Variants in RPL35 observed in about 807,000 individuals in gnomAD.
RPL35 encodes ribosomal protein L35.
RPL35 carries 2 observed loss-of-function variants against 15.6 expected under a neutral mutation model. The ratio of observed to expected loss-of-function variants is 0.13; its 90% CI spans 0.05 to 0.40. The LOEUF (loss-of-function observed/expected upper bound fraction) is 0.40, where lower values mean the gene tolerates loss of function less well. Among genes scored for constraint, RPL35 ranks in the 10% least tolerant of loss-of-function variants. The pLI is 0.99. For missense variants in RPL35, 111 were observed against 164.7 expected (o/e 0.67, Z 1.79); for synonymous variants, 93 against 67.9 (o/e 1.37, Z -1.82).
chr9:124,861,922 A>T lies in RPL35; in HGVS notation c.-10T>A, dbSNP rs1829205239. The T allele has an allele frequency of 6.2e-7, 1 of 1,600,502 alleles. No individual in the cohort carries two copies. The highest frequency in any genetic ancestry group is 2.3e-5 in the East Asian group (1 of 44,190). On this transcript the variant is annotated 5_prime_UTR_variant, in exon 1 of 4. It adds an upstream start codon to the 5' untranslated region. Transcript: ENST00000348462. ...CCGCAGCTCTCACCATTGCTGCACA[A>T]GCCGCCAACGCCGCCGCCCGCTCCG...
intron 3 of RPL35, among the ~76,000 whole-genome samples, chr9:124,859,807 C>A (rs925700843): frequency 4.6e-5 from 7 of 152,152 alleles, no homozygotes; most frequent in Admixed American, 4.6e-4. Flanking sequence ...TCAGGGCCCT[C>A]ATCTGAAAAA....
intron 2 of RPL35, 130 bp downstream of exon 2, chr9:124,861,289 A>G: frequency 7.5e-6 from 9 of 1,198,852 alleles, no homozygotes; most frequent in Non-Finnish European, 1.1e-5. Context: ...CGGGTCTCCC[A>G]TGCGCGCCAG....
chr9:124,857,946 G>T lies in RPL35; in HGVS notation c.344C>A (p.Pro115Gln), dbSNP rs200698441. The change falls in exon 4 of 4, where the codon CCG becomes CAG. Residue 115 changes from proline to glutamine, a missense_variant. Coordinates refer to ENST00000348462, the MANE Select transcript of RPL35 (RefSeq NM_007209.4). ...KKQQRKERLY[P>Q]LRKYAVKA Reference sequence around the variant, plus strand: ...GGCCTTGACCGCGTACTTCCGCAGCGGGTACAGCCGCTCCTTCCGCTGCTG... The same window carrying T: ...GGCCTTGACCGCGTACTTCCGCAGCTGGTACAGCCGCTCCTTCCGCTGCTG... The T allele has an allele frequency of 6.2e-6, 10 of 1,612,140 alleles. No individual in the cohort carries two copies. The highest frequency in any genetic ancestry group is 1.1e-5 in the South Asian group (1 of 91,008).
chr9:124,858,403 C>T (rs1041759161), intron 3 of RPL35: 3 of 674,578 alleles, frequency 4.4e-6, no homozygotes, highest in African/African-American at 3.6e-5. Context: ...AGTCACATGA[C>T]AACCTAGTAC....
At position 124,861,487 on chromosome 9, in the gene RPL35, C is replaced by A; in HGVS notation, c.72G>T (p.Leu24=). Residue 24 remains leucine (L), a synonymous_variant, in exon 2 of 4, where the codon CTG becomes CTT. Coordinates refer to ENST00000348462, the MANE Select transcript of RPL35 (RefSeq NM_007209.4). Reference sequence around the variant, plus strand: ...CGCGCAGCTGGGACAGCTCCACCTTCAGGTCGTCCAGCTGTTTCAGCAGCT... The same window carrying A: ...CGCGCAGCTGGGACAGCTCCACCTTAAGGTCGTCCAGCTGTTTCAGCAGCT... ...KEELLKQLDD[L]KVELSQLRVA... is the part of the protein sequence containing the mutation. 1 of 1,614,088 alleles carries A rather than the reference C, an allele frequency of 6.2e-7. No homozygotes were observed.
intron 3 of RPL35, among the ~76,000 whole-genome samples, chr9:124,859,353 T>C (rs946461973): frequency 3.3e-5 from 5 of 152,226 alleles, no homozygotes; most frequent in Admixed American, 6.5e-5. Flanking sequence ...CAAACACAAT[T>C]TGGGTAGTGA....
chr9:124,861,805 C>T, intron 1 of RPL35, 105 bp downstream of exon 1: 1 of 1,465,780 alleles, frequency 6.8e-7, no homozygotes, highest in Non-Finnish European at 9.2e-7. Flanking sequence ...CGCGGCGCCC[C>T]ACAGGCCTAG....
At chr9:124,861,589 C>G in intron 1 of RPL35, 34 bp from the exon 2 acceptor site, 2 of 1,609,274 alleles carry the variant, frequency 1.2e-6, no homozygotes, top group Non-Finnish European at 1.7e-6. Context: ...TCAGCCAGGC[C>G]GCGGGGCCAT....
In RPL35 at chr9:124,860,262, C is replaced by T. The variant is rs771742167; in HGVS notation, c.143G>A (p.Arg48Gln). 8 of 1,613,344 alleles carry T rather than the reference C, an allele frequency of 5.0e-6. No individual in the cohort carries two copies. Among genetic ancestry groups the T allele is most frequent in the East Asian group, 2.2e-5 (1 of 44,894 alleles). ...ACGGGCAATGGATTTCCGGACGACT[C>T]GGCTACAAAACAGAGATGTCAGTGA... ...GGAASKLSKI[R>Q]VVRKSIARVL... The change falls in exon 3 of 4, where the codon CGA (arginine) becomes CAA (glutamine). Residue 48 changes from arginine to glutamine, a missense_variant and splice_region_variant. By Grantham distance (43) the Arg-to-Gln change is conservative. Transcript: ENST00000348462.
chr9:124,858,582 T>G, intron 3 of RPL35: 1 of 702,962 alleles, frequency 1.4e-6, no homozygotes, highest in Non-Finnish European at 2.7e-6. Context: ...CCAAGGCCAC[T>G]TGCCCCACCT....
intron 3 of RPL35, among the ~76,000 whole-genome samples, chr9:124,859,734 C>A (rs1296613350): frequency 6.6e-6 from 1 of 152,184 alleles, no homozygotes; most frequent in South Asian, 2.1e-4. Flanking sequence ...CTAAAGCCGA[C>A]CCTCCCCAAG....
At chr9:124,860,079 C>G in intron 3 of RPL35, 104 bp downstream of exon 3, 1 of 837,386 alleles carries the variant, frequency 1.2e-6, no homozygotes, top group Non-Finnish European at 2.1e-6. Flanking sequence ...GCTAACCACT[C>G]TCAGCCCACG....
chr9:124,861,925 C>G lies in RPL35; in HGVS notation c.-13G>C, dbSNP rs767263609. The G allele has an allele frequency of 8.8e-6, 14 of 1,599,576 alleles. No homozygotes were observed. Among genetic ancestry groups the G allele is most frequent in the Admixed American group, 3.4e-5 (2 of 58,702 alleles). ...CAGCTCTCACCATTGCTGCACAAGCCGCCAACGCCGCCGCCCGCTCCGAGG... is the reference window on the plus strand; with the variant it reads ...CAGCTCTCACCATTGCTGCACAAGCGGCCAACGCCGCCGCCCGCTCCGAGG... On this transcript the variant is annotated 5_prime_UTR_variant, in exon 1 of 4. Coordinates refer to ENST00000348462, the MANE Select transcript of RPL35 (RefSeq NM_007209.4).
intron 3 of RPL35, among the ~76,000 whole-genome samples, chr9:124,859,248 C>T (rs920559084): frequency 1.8e-4 from 28 of 152,354 alleles, no homozygotes; most frequent in Non-Finnish European, 1.5e-5. Context: ...CTCAAGCCAT[C>T]CTCCTGCCTC....
chr9:124,860,119 C>CG (rs541837043), intron 3 of RPL35, 64 bp downstream of exon 3: 49 of 1,223,862 alleles, frequency 4.0e-5, no homozygotes, highest in Middle Eastern at 2.4e-4. Context: ...ACCATGTCCC[C>CG]GGCCAGGGAC....
rs1413622133 is a variant in RPL35, at chr9:124,861,888, C to T, written c.3+22G>A. ...CCCGCGCCTCACAGCGCTCGGATGG[C>T]GCCCGATTCCGCAGCTCTCACCATT... On this transcript the variant is annotated intron_variant, in intron 1 of 3. Coordinates refer to ENST00000348462, the MANE Select transcript of RPL35 (RefSeq NM_007209.4). 2.5e-6 allele frequency: 4 copies of T among 1,602,264 alleles called. No homozygotes were observed. The East Asian group carries it at 6.8e-5, about 27-fold the overall frequency.
At chr9:124,861,731 C>T in intron 1 of RPL35, 176 bp from the exon 2 acceptor site, 1 of 1,315,288 alleles carries the variant, frequency 7.6e-7, no homozygotes, top group Admixed American at 2.6e-5. Flanking sequence ...AACCCAGGCC[C>T]GGGCCGCGCG....
At position 124,860,342 on chromosome 9, in the gene RPL35, C is replaced by T. The variant is rs1056927323; in HGVS notation, c.141-78G>A. ...GACTCAGGACTCACACATAGGGCAG[C>T]AATAGCTGCAGCCTCCCCCATCAAC... is the stretch of plus-strand genomic sequence containing the variant. On this transcript the variant is annotated intron_variant, in intron 2 of 3. Coordinates refer to ENST00000348462, the MANE Select transcript of RPL35 (RefSeq NM_007209.4). 23 of 1,166,454 alleles carry T rather than the reference C, an allele frequency of 2.0e-5. No individual in the cohort carries two copies. In the African/African-American group the frequency reaches 3.3e-4, roughly 17 times the overall value. The allele number at this position is 1,166,454 out of a possible 1,614,324, so 72.3% of individuals were successfully genotyped here.
intron 3 of RPL35, among the ~76,000 whole-genome samples, chr9:124,859,689 AG>A (rs1483412829): frequency 1.3e-5 from 2 of 152,158 alleles, no homozygotes; most frequent in African/African-American, 4.8e-5. Context: ...CAAGACTAAG[AG>A]GGGGCCAGAC....
Sources: gnomAD v4.1 joint callset for allele counts (sites outside exome capture counted in the v4.1 genomes callset) on GRCh38, gnomAD v4.1.1 for gene constraint, MANE v1.5 for transcripts, NCBI Gene and HGNC (gene_info 2026-07-23, HGNC 2026-07-21) for gene names.